MAP7D2: variants seen among roughly 807,000 people sequenced by gnomAD.
The protein encoded by MAP7D2 is MAP7 domain containing 2, also known as MAP7 domain-containing protein 2.
MAP7D2 carries 33 observed loss-of-function variants against 63.5 expected under a neutral mutation model. The observed-to-expected ratio is 0.52, with a 90% CI of 0.39 to 0.70. The LOEUF (loss-of-function observed/expected upper bound fraction) is 0.70. MAP7D2 is among the 30% of genes least tolerant of loss of function. The probability of loss-of-function intolerance (pLI) is 0.00; values close to 1 mark genes in which losing one functional copy is unlikely to be tolerated. For synonymous variants in MAP7D2, 224 were observed against 223.7 expected, an observed-to-expected ratio of 1.00 and a Z score of -0.01; for missense variants, 626 against 604.0, an observed-to-expected ratio of 1.04 and a Z score of -0.38.
intron 11 of MAP7D2, among the ~76,000 whole-genome samples, chrX:20,015,702 C>T (rs1230025116): frequency 8.9e-6 from 1 of 112,578 alleles, no homozygotes; most frequent in Non-Finnish European, 1.9e-5. Flanking sequence ...GTTTCCTCAT[C>T]CCTCAGCTGG....
intron 11 of MAP7D2, 40 bp downstream of exon 11, chrX:20,016,054 T>TA: frequency 8.9e-7 from 1 of 1,129,223 alleles, no homozygotes; most frequent in Non-Finnish European, 1.2e-6. Flanking sequence ...TCAAGGTCCT[T>TA]AAAAAACAAG....
chrX:20,088,064 TTTTTTTTGTA>T (rs1343475469), intron 1 of MAP7D2, among the ~76,000 whole-genome samples: 1 of 106,335 alleles, frequency 9.4e-6, no homozygotes, highest in Non-Finnish European at 1.9e-5. Context: ...TAATTTTTTT[TTTTTTTTGTA>T]TTTTTTTGTA....
At chrX:20,070,656 G>A (rs898236370) in intron 1 of MAP7D2, among the ~76,000 whole-genome samples, 13 of 110,303 alleles carry the variant, frequency 1.2e-4, no homozygotes, top group African/African-American at 4.3e-4. Context: ...AGGCAAACTT[G>A]CAACTCTGAA....
In MAP7D2 at chrX:20,059,199, T is replaced by G. The variant is rs58153878; in HGVS notation, c.373-2408A>C. 1.1e-3 allele frequency among the ~76,000 whole-genome samples: 121 copies of G among 112,327 alleles called. 1 individual carries two copies. The highest frequency in any genetic ancestry group is 6.2e-3 in the East Asian group (22 of 3,577). ...TTCTTATCAGGACCATTTAGAGCAA[T>G]AGTTCTCAAATCTGAGAGATCAGGT... On this transcript the variant is annotated intron_variant, in intron 3 of 16. Coordinates refer to ENST00000379643, the MANE Select transcript of MAP7D2 (RefSeq NM_001168465.2).
At chrX:20,085,407 C>T (rs1463867808) in intron 1 of MAP7D2, among the ~76,000 whole-genome samples, 3 of 112,284 alleles carry the variant, frequency 2.7e-5, no homozygotes, top group Non-Finnish European at 5.6e-5. Flanking sequence ...TCCCTACAGG[C>T]ACGTTTTTAC....
chrX:20,110,020 G>A (rs1347377265), intron 1 of MAP7D2, among the ~76,000 whole-genome samples: 1 of 108,680 alleles, frequency 9.2e-6, no homozygotes, highest in African/African-American at 3.4e-5. Context: ...TGGGCAAGAG[G>A]GTGAGACTCC....
intron 1 of MAP7D2, among the ~76,000 whole-genome samples, chrX:20,070,099 C>T (rs1396931968): frequency 9.0e-6 from 1 of 110,943 alleles, no homozygotes; most frequent in Non-Finnish European, 1.9e-5. Flanking sequence ...TAGGCATGCG[C>T]CACCACGCCT....
chrX:20,084,934 A>T (rs1908381793), intron 1 of MAP7D2, among the ~76,000 whole-genome samples: 1 of 111,431 alleles, frequency 9.0e-6, no homozygotes, highest in Non-Finnish European at 1.9e-5. Context: ...TATGGAATAA[A>T]CTGCACCAAC....
chrX:20,081,464 C>T (rs961366901), intron 1 of MAP7D2, among the ~76,000 whole-genome samples: 7 of 111,577 alleles, frequency 6.3e-5, no homozygotes, highest in African/African-American at 2.3e-4. Context: ...AGCTCTTTGT[C>T]TCAAGCTGAT....
chrX:20,027,266 T>C (rs755637882), intron 8 of MAP7D2, among the ~76,000 whole-genome samples: 2 of 112,594 alleles, frequency 1.8e-5, no homozygotes, highest in Non-Finnish European at 3.8e-5. Flanking sequence ...GGCCTTGGGC[T>C]CAGGCCCCAC....
chrX:20,044,673 T>G, intron 6 of MAP7D2, 149 bp from the exon 7 acceptor site: 1 of 510,688 alleles, frequency 2.0e-6, no homozygotes, highest in East Asian at 3.6e-5. Context: ...GATCTTACCC[T>G]AAAAAGGCTC....
intron 1 of MAP7D2, among the ~76,000 whole-genome samples, chrX:20,081,181 C>T (rs762723142): frequency 8.9e-6 from 1 of 112,293 alleles, no homozygotes; most frequent in Non-Finnish European, 1.9e-5. Flanking sequence ...AGAGAAATTA[C>T]CTGTGGAGTT....
At chrX:20,010,130 T>C (rs771711169) in intron 16 of MAP7D2, among the ~76,000 whole-genome samples, 2 of 112,321 alleles carry the variant, frequency 1.8e-5, no homozygotes, top group East Asian at 5.5e-4. Flanking sequence ...AAATGTGAGG[T>C]ATATGTAACT....
chrX:20,030,548 T>G (rs1042458323), intron 8 of MAP7D2, among the ~76,000 whole-genome samples: 1 of 111,697 alleles, frequency 9.0e-6, no homozygotes, highest in African/African-American at 3.3e-5. Context: ...AGGGTTGTCA[T>G]GCCTCTGAAT....
At chrX:20,030,398 T>C (rs2074009810) in intron 8 of MAP7D2, among the ~76,000 whole-genome samples, 1 of 112,042 alleles carries the variant, frequency 8.9e-6, no homozygotes, top group Non-Finnish European at 1.9e-5. Flanking sequence ...ACAAAGGGGA[T>C]TCACAAGGTG....
chrX:20,059,629 T>TGGAAGGAAGGAAGGAA (rs1173651597), intron 3 of MAP7D2, among the ~76,000 whole-genome samples: 1 of 45,984 alleles, frequency 2.2e-5, no homozygotes, highest in East Asian at 5.0e-4. Flanking sequence ...GAAGGAAGGG[T>TGGAAGGAAGGAAGGAA]GGAAGGAAGG....
chrX:20,052,934 G>C lies in MAP7D2; in HGVS notation c.539C>G (p.Pro180Arg). 3 of 1,211,730 alleles carry C rather than the reference G, an allele frequency of 2.5e-6. No homozygotes were observed. Among genetic ancestry groups the C allele is most frequent in the Non-Finnish European group, 3.4e-6 (3 of 895,175 alleles). Residue 180 changes from proline to arginine, a missense_variant, in exon 5 of 17, where the codon CCC becomes CGC. Coordinates refer to ENST00000379643, the MANE Select transcript of MAP7D2 (RefSeq NM_001168465.2). ...GGATGAAGACAGGCGTTTATTCATG[G>C]GAGGCTCCGTTGGCTTTGGCAAACT... ...TMSLPKPTEP[P>R]MNKRLSSSTV...
rs2073030802 is a variant in MAP7D2, at chrX:20,006,910, T to C, written c.*1515A>G. The C allele has an allele frequency of 8.9e-6, 1 of 112,316 alleles. No homozygotes were observed. The highest frequency in any genetic ancestry group is 9.5e-5 in the Admixed American group (1 of 10,566). 9.3% of individuals were successfully genotyped at this position (112,316 alleles called of 1,213,427 possible). A position where few individuals can be genotyped will look rare whatever the true frequency, so the allele number is the denominator to read the frequency against. On this transcript the variant is annotated 3_prime_UTR_variant, in exon 17 of 17. Coordinates refer to ENST00000379643, the MANE Select transcript of MAP7D2 (RefSeq NM_001168465.2). Reference sequence around the variant, plus strand: ...TATTTCACATTAAACACAAGGTACATATCATGCAAATGAGGCATCACCATG... The same window carrying C: ...TATTTCACATTAAACACAAGGTACACATCATGCAAATGAGGCATCACCATG...
chrX:20,091,685 GA>G (rs2066074524), intron 1 of MAP7D2, among the ~76,000 whole-genome samples: 1 of 111,456 alleles, frequency 9.0e-6, no homozygotes, highest in African/African-American at 3.3e-5. Context: ...GCTTCTCTCT[GA>G]CCTCGCTCAG....
Sources: gnomAD v4.1 joint callset for allele counts (sites outside exome capture counted in the v4.1 genomes callset) on GRCh38, gnomAD v4.1.1 for gene constraint, MANE v1.5 for transcripts, NCBI Gene and HGNC (gene_info 2026-07-23, HGNC 2026-07-21) for gene names.